Variants in PDE8B observed in about 807,000 individuals in gnomAD.
PDE8B encodes high affinity cAMP-specific and IBMX-insensitive 3',5'-cyclic phosphodiesterase 8B.
Under a neutral mutation model 101.3 loss-of-function variants are expected in PDE8B, and 26 were observed. The ratio of observed to expected loss-of-function variants is 0.26; its 90% confidence interval spans 0.19 to 0.36. PDE8B has a LOEUF of 0.36. Ranked by LOEUF, PDE8B falls within the 10% of genes least tolerant of loss-of-function variation. PDE8B has a pLI of 1.00. For missense variants in PDE8B, 810 were observed against 1,163.1 expected, an observed-to-expected ratio of 0.70 and a Z score of 4.42; for synonymous variants, 424 against 429.3, an observed-to-expected ratio of 0.99 and a Z score of 0.15.
At position 77,372,228 on chromosome 5, in the gene PDE8B, C is replaced by CAAA. The variant is rs200133254; in HGVS notation, c.1167+18823_1167+18825dup. Among the ~76,000 whole-genome samples, 388 of 152,112 alleles carry CAAA rather than the reference C, an allele frequency of 2.6e-3. 2 individuals are homozygous for CAAA. The highest frequency in any genetic ancestry group is 8.9e-3 in the African/African-American group (370 of 41,462). On this transcript the variant is annotated intron_variant, in intron 10 of 21. Transcript: ENST00000264917. Reference sequence around the variant, plus strand: ...ACAACAACAACAACAACAACAACAACAAATTGATTTTTAAAATTAGCTTTC... The same window carrying CAAA: ...ACAACAACAACAACAACAACAACAACAAAAAATTGATTTTTAAAATTAGCTTTC...
chr5:77,325,486 T>C, intron 2 of PDE8B, 53 bp from the exon 3 acceptor site: 1 of 1,540,552 alleles, frequency 6.5e-7, no homozygotes. Flanking sequence ...TTGTTTTTAA[T>C]AGTCTCTATG....
chr5:77,277,757 G>A (rs1764130498), intron 1 of PDE8B, among the ~76,000 whole-genome samples: 1 of 152,090 alleles, frequency 6.6e-6, no homozygotes, highest in Admixed American at 6.5e-5. Flanking sequence ...GCTCTCTCCT[G>A]TCTCTTTTAT....
At chr5:77,396,508 A>G (rs1791091499) in intron 10 of PDE8B, among the ~76,000 whole-genome samples, 2 of 152,210 alleles carry the variant, frequency 1.3e-5, no homozygotes. Flanking sequence ...TCTAAATTCC[A>G]CTGGTAACTC....
At chr5:77,322,916 A>G (rs1279825328) in intron 2 of PDE8B, among the ~76,000 whole-genome samples, 1 of 152,244 alleles carries the variant, frequency 6.6e-6, no homozygotes, top group Non-Finnish European at 1.5e-5. Flanking sequence ...TAGCTGTTGT[A>G]ATGCCCAACA....
chr5:77,283,318 A>C (rs1049387104), intron 1 of PDE8B, among the ~76,000 whole-genome samples: 1 of 152,162 alleles, frequency 6.6e-6, no homozygotes, highest in Non-Finnish European at 1.5e-5. Context: ...CATTTGTTAC[A>C]ATTGATGAGC....
chr5:77,217,541 T>TTA (rs1750061327), intron 1 of PDE8B, among the ~76,000 whole-genome samples: 1 of 135,636 alleles, frequency 7.4e-6, no homozygotes, highest in African/African-American at 3.2e-5. Flanking sequence ...AAAACACCAA[T>TTA]TTTTTTTTTT....
the PDE8B span, among the ~76,000 whole-genome samples, chr5:77,129,118 A>G: frequency 6.6e-6 from 1 of 152,174 alleles, no homozygotes; most frequent in Non-Finnish European, 1.5e-5. Flanking sequence ...ATAAAAAATT[A>G]CCAACGTTTT....
At chr5:77,375,183 A>G (rs922668777) in intron 10 of PDE8B, among the ~76,000 whole-genome samples, 12 of 152,188 alleles carry the variant, frequency 7.9e-5, no homozygotes, top group African/African-American at 2.9e-4. Context: ...TTCTACTGGC[A>G]GTTTTTGTGC....
chr5:77,244,681 C>T (rs960409383), intron 1 of PDE8B, among the ~76,000 whole-genome samples: 14 of 152,262 alleles, frequency 9.2e-5, no homozygotes, highest in African/African-American at 3.4e-4. Context: ...TAAATTCTCA[C>T]TGCAACCCCA....
Position 77,420,060 on chromosome 5 carries a change from T to G in PDE8B, c.2250+173T>G, listed in dbSNP as rs114668168. Among the ~76,000 whole-genome samples the G allele has an allele frequency of 3.0e-3, 462 of 152,274 alleles. 2 individuals carry two copies. The Middle Eastern group carries it at 0.037, about 12-fold the overall frequency. ...TTTCCTTGGGGATGAAAATAAACTG[T>G]GTCCACAGCAACTCTGAGCTCCTTG... On this transcript the variant is annotated intron_variant, in intron 19 of 21. Transcript: ENST00000264917.
intron 10 of PDE8B, among the ~76,000 whole-genome samples, chr5:77,355,051 G>A (rs1781832607): frequency 1.3e-5 from 2 of 152,222 alleles, no homozygotes; most frequent in South Asian, 2.1e-4. Flanking sequence ...AGGCCCTCAA[G>A]CTGGTGGCTA....
the PDE8B span, among the ~76,000 whole-genome samples, chr5:77,189,502 C>T: frequency 4.6e-5 from 7 of 152,176 alleles, no homozygotes; most frequent in Non-Finnish European, 2.9e-5. Context: ...GAATGCCTCC[C>T]TGATAATGTA....
chr5:77,333,260 A>G (rs929453246), intron 5 of PDE8B, among the ~76,000 whole-genome samples: 1 of 152,182 alleles, frequency 6.6e-6, no homozygotes, highest in East Asian at 1.9e-4. Flanking sequence ...TCTTAATGAG[A>G]ATGCATGAGA....
At chr5:77,243,580 A>G (rs1157819495) in intron 1 of PDE8B, among the ~76,000 whole-genome samples, 1 of 152,176 alleles carries the variant, frequency 6.6e-6, no homozygotes, top group Non-Finnish European at 1.5e-5. Flanking sequence ...TGGAAATTTT[A>G]TATAAATGGA....
At position 77,351,103 on chromosome 5, in the gene PDE8B, G is replaced by T; in HGVS notation, c.1056G>T (p.Gly352=). 1 of 1,614,114 alleles carries T rather than the reference G, an allele frequency of 6.2e-7. No homozygotes were observed. Among genetic ancestry groups the T allele is most frequent in the Non-Finnish European group, 8.5e-7 (1 of 1,179,970 alleles). The change falls in exon 9 of 22, where the codon GGG becomes GGT. Residue 352 remains glycine, a synonymous_variant. Transcript: ENST00000264917. ...QGVYYARRKS[G]DSIQQHVKIT... ...TTTACTATGCCAGACGGAAATCCGG[G>T]GACAGCATCCAACAGCACGTGAAGA...
chr5:77,394,693 G>A (rs1376538821), intron 10 of PDE8B, among the ~76,000 whole-genome samples: 1 of 152,118 alleles, frequency 6.6e-6, no homozygotes, highest in Non-Finnish European at 1.5e-5. Flanking sequence ...AACATTTAAG[G>A]AAAAGAGATA....
At chr5:77,155,770 C>T in the PDE8B span, among the ~76,000 whole-genome samples, 1 of 152,142 alleles carries the variant, frequency 6.6e-6, no homozygotes, top group African/African-American at 2.4e-5. Context: ...AGAGTTGAAC[C>T]CTGGCTGTTT....
chr5:77,118,350 G>T, the PDE8B span: 1 of 398,602 alleles, frequency 2.5e-6, no homozygotes, highest in Non-Finnish European at 4.4e-6. Flanking sequence ...CGAACATGAG[G>T]ACAGGGCAGG....
At chr5:77,373,942 C>T (rs955109142) in intron 10 of PDE8B, among the ~76,000 whole-genome samples, 1 of 152,170 alleles carries the variant, frequency 6.6e-6, no homozygotes, top group South Asian at 2.1e-4. Flanking sequence ...CTCTGCCTCC[C>T]AGGTTCAAGC....
Sources: gnomAD v4.1 joint callset for allele counts (sites outside exome capture counted in the v4.1 genomes callset) on GRCh38, gnomAD v4.1.1 for gene constraint, MANE v1.5 for transcripts, NCBI Gene and HGNC (gene_info 2026-07-23, HGNC 2026-07-21) for gene names.